Variants in RFX4 observed in about 807,000 individuals in gnomAD.
RFX4 encodes the protein regulatory factor X4, also known as transcription factor RFX4.
Under a neutral mutation model 95.0 loss-of-function variants are expected in RFX4, and 10 were observed. That is an observed-to-expected ratio of 0.11 (90% CI 0.06 to 0.18). The LOEUF is 0.18. RFX4 is among the 10% of genes least tolerant of loss of function. The probability of loss-of-function intolerance (pLI) is 1.00; values close to 1 mark genes in which losing one functional copy is unlikely to be tolerated. For synonymous variants in RFX4, 321 were observed against 340.7 expected, an observed-to-expected ratio of 0.94 and a Z score of 0.64; for missense variants, 640 against 922.0, an observed-to-expected ratio of 0.69 and a Z score of 3.96.
chr12:106,711,108 G>A (rs1383298440), intron 9 of RFX4, among the ~76,000 whole-genome samples: 2 of 152,132 alleles, frequency 1.3e-5, no homozygotes, highest in Non-Finnish European at 2.9e-5. Flanking sequence ...TTATTTACGG[G>A]GAGAAGTGAT....
chr12:106,742,467 G>A lies in RFX4; in HGVS notation c.1634-4970G>A, dbSNP rs147428703. Reference sequence around the variant, plus strand: ...CAAAGTGCTGGGATTATAGGCATGCGACACTGCGCCTCGCCAGCTTCTGAT... The same window carrying A: ...CAAAGTGCTGGGATTATAGGCATGCAACACTGCGCCTCGCCAGCTTCTGAT... On this transcript the variant is annotated intron_variant, in intron 15 of 17. Coordinates refer to ENST00000392842, the MANE Select transcript of RFX4 (RefSeq NM_213594.3). Among the ~76,000 whole-genome samples the A allele has an allele frequency of 6.1e-3, 932 of 152,270 alleles. 6 individuals are homozygous for A. Among genetic ancestry groups the A allele is most frequent in the Non-Finnish European group, 9.7e-3 (658 of 68,022 alleles).
At chr12:106,669,241 T>C (rs543958214) in intron 4 of RFX4, among the ~76,000 whole-genome samples, 24 of 152,290 alleles carry the variant, frequency 1.6e-4, no homozygotes, top group Non-Finnish European at 2.6e-4. Flanking sequence ...TCCCCCACAC[T>C]GGATCCAGTG....
chr12:106,748,531 C>T (rs890561658), intron 16 of RFX4, among the ~76,000 whole-genome samples: 3 of 152,192 alleles, frequency 2.0e-5, no homozygotes, highest in Non-Finnish European at 2.9e-5. Flanking sequence ...GAATGAACTA[C>T]AAATCCATAC....
At chr12:106,634,928 T>C (rs1462608519) in intron 2 of RFX4, among the ~76,000 whole-genome samples, 1 of 152,240 alleles carries the variant, frequency 6.6e-6, no homozygotes, top group Non-Finnish European at 1.5e-5. Flanking sequence ...CTTTCTCTTT[T>C]CCCAACCAAA....
intron 3 of RFX4, among the ~76,000 whole-genome samples, chr12:106,649,770 C>T (rs2040823558): frequency 6.6e-6 from 1 of 152,308 alleles, no homozygotes; most frequent in South Asian, 2.1e-4. Flanking sequence ...GATTTTCACC[C>T]TTAACTGTCC....
chr12:106,657,565 G>T (rs1358304357), intron 4 of RFX4, among the ~76,000 whole-genome samples: 1 of 152,186 alleles, frequency 6.6e-6, no homozygotes, highest in Non-Finnish European at 1.5e-5. Flanking sequence ...GAATGTGAAA[G>T]CTTCTAGCTG....
chr12:106,696,586 A>G (rs1481868261), intron 8 of RFX4, 140 bp downstream of exon 8: 1 of 785,436 alleles, frequency 1.3e-6, no homozygotes, highest in Non-Finnish European at 1.9e-6. Flanking sequence ...TAAATATTAA[A>G]GTTTATTTAT....
intron 8 of RFX4, among the ~76,000 whole-genome samples, chr12:106,708,737 C>T (rs1309262392): frequency 2.0e-5 from 3 of 152,228 alleles, no homozygotes; most frequent in African/African-American, 7.2e-5. Flanking sequence ...AAATTCCCAT[C>T]TTATTGCAAC....
intron 2 of RFX4, among the ~76,000 whole-genome samples, chr12:106,630,327 G>A (rs1456149083): frequency 6.6e-6 from 1 of 152,158 alleles, no homozygotes; most frequent in Non-Finnish European, 1.5e-5. Context: ...TTGTATCAAA[G>A]TTAGACAGCC....
chr12:106,592,569 G>A (rs915275542), intron 1 of RFX4, among the ~76,000 whole-genome samples: 2 of 152,050 alleles, frequency 1.3e-5, no homozygotes, highest in Non-Finnish European at 2.9e-5. Flanking sequence ...TTCCAGTTCT[G>A]GAATGTGATG....
At chr12:106,718,840 G>GT (rs1338896073) in intron 11 of RFX4, among the ~76,000 whole-genome samples, 1 of 151,974 alleles carries the variant, frequency 6.6e-6, no homozygotes, top group Non-Finnish European at 1.5e-5. Context: ...GCCGGGCGTG[G>GT]TGGTGCACGC....
intron 1 of RFX4, among the ~76,000 whole-genome samples, chr12:106,589,765 G>A (rs1296407175): frequency 1.3e-5 from 2 of 152,206 alleles, no homozygotes; most frequent in Non-Finnish European, 2.9e-5. Flanking sequence ...GAGAATCACA[G>A]AATGTTGTCT....
intron 5 of RFX4, among the ~76,000 whole-genome samples, chr12:106,685,868 G>A (rs1433022657): frequency 6.6e-6 from 1 of 152,158 alleles, no homozygotes; most frequent in Non-Finnish European, 1.5e-5. Flanking sequence ...ACAAATTAAT[G>A]CATGCAAAGT....
intron 13 of RFX4, among the ~76,000 whole-genome samples, chr12:106,728,301 C>T (rs986753820): frequency 2.0e-5 from 3 of 151,494 alleles, no homozygotes; most frequent in African/African-American, 7.3e-5. Context: ...TTCATGTCCT[C>T]ATGTATTAAC....
In RFX4 at chr12:106,616,897, A is replaced by C. The variant is rs553272243; in HGVS notation, c.130+8014A>C. 4.9e-4 allele frequency among the ~76,000 whole-genome samples: 74 copies of C among 151,190 alleles called. No homozygotes were observed. In the South Asian group the frequency reaches 0.015, roughly 32 times the overall value. On this transcript the variant is annotated intron_variant, in intron 2 of 17. Transcript: ENST00000392842. The stretch of plus-strand genomic sequence containing the variant: ...TGCCTCAGCCTCCTGAGTAGCTGGG[A>C]CTACAGGTGTGCGCCACCATGCCCG...
At chr12:106,641,599 C>A (rs2040623540) in intron 3 of RFX4, among the ~76,000 whole-genome samples, 1 of 152,140 alleles carries the variant, frequency 6.6e-6, no homozygotes, top group African/African-American at 2.4e-5. Context: ...TCACATAGAT[C>A]ATTCCAGAAG....
chr12:106,747,201 C>G (rs879933672), intron 15 of RFX4, among the ~76,000 whole-genome samples: 14 of 152,196 alleles, frequency 9.2e-5, no homozygotes, highest in East Asian at 5.8e-4. Context: ...CGTGCAAAGG[C>G]CCTGAGTTGC....
intron 17 of RFX4, among the ~76,000 whole-genome samples, chr12:106,760,275 T>C (rs557138871): frequency 1.2e-4 from 18 of 152,272 alleles, no homozygotes; most frequent in Admixed American, 4.6e-4. Flanking sequence ...GACTGGGAGC[T>C]TTCAAAGGAA....
At chr12:106,734,123 A>C in intron 15 of RFX4, among the ~76,000 whole-genome samples, 1 of 152,210 alleles carries the variant, frequency 6.6e-6, no homozygotes, top group Non-Finnish European at 1.5e-5. Context: ...GAATAGTCAA[A>C]GTCACAGACA....
Sources: allele counts gnomAD v4.1 joint callset (sites outside exome capture counted in the v4.1 genomes callset), GRCh38; gene constraint gnomAD v4.1.1; transcripts MANE v1.5; gene names NCBI Gene and HGNC (gene_info 2026-07-23, HGNC 2026-07-21).